The following TRIM24 variants were observed in gnomAD, a reference collection of about 807,000 sequenced individuals.
TRIM24 encodes tripartite motif containing 24.
Under a neutral mutation model 123.9 loss-of-function variants are expected in TRIM24, and 29 were observed. That is an observed-to-expected ratio of 0.23 (90% CI 0.17 to 0.32). The LOEUF is 0.32. Ranked by LOEUF, TRIM24 falls within the 10% of genes least tolerant of loss-of-function variation. The probability of loss-of-function intolerance (pLI) is 1.00; values close to 1 mark genes in which losing one functional copy is unlikely to be tolerated. For missense variants in TRIM24, 932 were observed against 1,295.3 expected (o/e 0.72, Z 4.31); for synonymous variants, 456 against 461.1 (o/e 0.99, Z 0.14).
intron 12 of TRIM24, among the ~76,000 whole-genome samples, chr7:138,575,459 ATT>A (rs34375724): frequency 2.4e-4 from 30 of 127,186 alleles, no homozygotes; most frequent in Admixed American, 4.7e-4. Flanking sequence ...GGCCTGGCTA[ATT>A]TTTTTTTTTT....
In TRIM24 at chr7:138,577,403, C is replaced by G. The variant is rs1797782808; in HGVS notation, c.2088-17C>G. ...TAACATTCTTAGATTGCTTTTTCTT[C>G]TCTCTCATACTTACAGCTCTGGCTC... On this transcript the variant is annotated splice_polypyrimidine_tract_variant and intron_variant, in intron 13 of 18. Transcript: ENST00000343526. 2 of 1,491,560 alleles carry G rather than the reference C, an allele frequency of 1.3e-6. No individual in the cohort carries two copies. Among genetic ancestry groups the G allele is most frequent in the Non-Finnish European group, 1.8e-6 (2 of 1,121,842 alleles). The allele number at this position is 1,491,560 out of a possible 1,614,324, so 92.4% of individuals were successfully genotyped here.
intron 14 of TRIM24, among the ~76,000 whole-genome samples, chr7:138,577,863 G>A (rs1409620681): frequency 6.6e-6 from 1 of 152,116 alleles, no homozygotes. Flanking sequence ...CAATCAGATT[G>A]ACTTGAAGAT....
At chr7:138,491,554 G>T (rs188446488) in intron 1 of TRIM24, among the ~76,000 whole-genome samples, 9 of 150,312 alleles carry the variant, frequency 6.0e-5, no homozygotes, top group East Asian at 1.9e-4. Flanking sequence ...CATTGTAAGG[G>T]TATAGCACAT....
At chr7:138,548,686 A>AT (rs1333686129) in intron 7 of TRIM24, among the ~76,000 whole-genome samples, 1 of 152,194 alleles carries the variant, frequency 6.6e-6, no homozygotes, top group Non-Finnish European at 1.5e-5. Flanking sequence ...AAACTTTTTA[A>AT]TTTTTTAAAT....
chr7:138,495,848 T>C (rs1415534557), intron 1 of TRIM24, among the ~76,000 whole-genome samples: 1 of 152,204 alleles, frequency 6.6e-6, no homozygotes, highest in African/African-American at 2.4e-5. Flanking sequence ...ACGAAATTCT[T>C]GCCCATTTTA....
intron 1 of TRIM24, among the ~76,000 whole-genome samples, chr7:138,502,830 A>G (rs537779777): frequency 3.4e-4 from 52 of 152,248 alleles, no homozygotes; most frequent in Admixed American, 1.0e-3. Flanking sequence ...GTTCATGGTA[A>G]TATTTTCACT....
intron 1 of TRIM24, chr7:138,461,229 G>A (rs760414242): frequency 9.6e-6 from 6 of 626,440 alleles, no homozygotes; most frequent in South Asian, 4.1e-5. Flanking sequence ...TCCTGCAGCC[G>A]GAATCTCGGG....
chr7:138,473,670 C>T (rs1321682705), intron 1 of TRIM24, among the ~76,000 whole-genome samples: 1 of 152,214 alleles, frequency 6.6e-6, no homozygotes, highest in Non-Finnish European at 1.5e-5. Context: ...TCACTGTATG[C>T]TTACTAGTTG....
At chr7:138,461,406 T>G (rs1449030056) in intron 1 of TRIM24, 1 of 392,208 alleles carries the variant, frequency 2.5e-6, no homozygotes. Context: ...TGATGATTGA[T>G]TGCAGATCGG....
Position 138,553,325 on chromosome 7 carries a change from G to A in TRIM24, c.1262-1373G>A, listed in dbSNP as rs191758448. ...TAGATGAATATTTTGTTACTGTCTT[G>A]AGTGACTTTAGATAAGTTTTACAAC... On this transcript the variant is annotated intron_variant, in intron 8 of 18. Coordinates refer to ENST00000343526, the MANE Select transcript of TRIM24 (RefSeq NM_015905.3). 3.9e-4 allele frequency among the ~76,000 whole-genome samples: 59 copies of A among 152,238 alleles called. No individual in the cohort carries two copies. The East Asian group carries it at 0.01, about 26-fold the overall frequency.
chr7:138,483,301 G>T (rs1325011343), intron 1 of TRIM24, among the ~76,000 whole-genome samples: 1 of 152,156 alleles, frequency 6.6e-6, no homozygotes, highest in Non-Finnish European at 1.5e-5. Context: ...TAAGTTCTCT[G>T]TAGCTTTGTT....
Position 138,577,593 on chromosome 7 carries a change from T to C in TRIM24, c.2256+5T>C. ...GAAGAATCTAGGCCTCAAAATGTAA[T>C]TATGAATGCTTGCAATGCTATTCCT... On this transcript the variant is annotated splice_donor_5th_base_variant and intron_variant, in intron 14 of 18. Coordinates refer to ENST00000343526, the MANE Select transcript of TRIM24 (RefSeq NM_015905.3). 1 of 1,596,796 alleles carries C rather than the reference T, an allele frequency of 6.3e-7. No homozygotes were observed. Among genetic ancestry groups the C allele is most frequent in the Non-Finnish European group, 8.5e-7 (1 of 1,172,426 alleles).
chr7:138,587,326 C>G lies in TRIM24; in HGVS notation c.*2375C>G, dbSNP rs1212429002. On this transcript the variant is annotated 3_prime_UTR_variant, in exon 19 of 19. Transcript: ENST00000343526. Reference sequence around the variant, plus strand: ...CAAGATCTCACCATTGCACTCCAGCCTGAGTGACAGAGACTCAGTCTCAAA... The same window carrying G: ...CAAGATCTCACCATTGCACTCCAGCGTGAGTGACAGAGACTCAGTCTCAAA... 2 of 152,214 alleles carry G rather than the reference C, an allele frequency of 1.3e-5. No individual in the cohort carries two copies. Among genetic ancestry groups the G allele is most frequent in the African/African-American group, 4.8e-5 (2 of 41,430 alleles). The allele number at this position is 152,214 out of a possible 1,614,324, so 9.4% of individuals were successfully genotyped here. A position where few individuals can be genotyped will look rare whatever the true frequency, so the allele number is the denominator to read the frequency against.
At chr7:138,475,623 G>A (rs1260039446) in intron 1 of TRIM24, among the ~76,000 whole-genome samples, 1 of 152,102 alleles carries the variant, frequency 6.6e-6, no homozygotes, top group Non-Finnish European at 1.5e-5. Flanking sequence ...CAATTCTCCT[G>A]CCTCAGCCTC....
chr7:138,511,359 T>C (rs1196370478), intron 2 of TRIM24, among the ~76,000 whole-genome samples: 1 of 151,360 alleles, frequency 6.6e-6, no homozygotes, highest in African/African-American at 2.4e-5. Context: ...AGGAGTGCAA[T>C]GGCCAGTCTT....
intron 1 of TRIM24, among the ~76,000 whole-genome samples, chr7:138,461,667 G>C (rs1183223611): frequency 6.6e-6 from 1 of 152,158 alleles, no homozygotes; most frequent in African/African-American, 2.4e-5. Context: ...TTAGACTTTT[G>C]ACAGGTGTTC....
At chr7:138,530,775 G>GT (rs893424091) in intron 6 of TRIM24, among the ~76,000 whole-genome samples, 19 of 151,576 alleles carry the variant, frequency 1.3e-4, no homozygotes, top group African/African-American at 2.9e-4. Flanking sequence ...CCCCCCCTTT[G>GT]TTTTTTTTGG....
rs373703950 is a variant in TRIM24, at chr7:138,531,903, G to C, written c.996+2673G>C. Among the ~76,000 whole-genome samples, 1,232 of 152,072 alleles carry C rather than the reference G, an allele frequency of 8.1e-3. 18 individuals carry two copies. The highest frequency in any genetic ancestry group is 0.047 in the South Asian group (224 of 4,812). ...TGTTGTTTCCTGACTTTTTAATGATGGCCATTCTAACTGGTGTGAGCTGGT... is the reference window on the plus strand; with the variant it reads ...TGTTGTTTCCTGACTTTTTAATGATCGCCATTCTAACTGGTGTGAGCTGGT... On this transcript the variant is annotated intron_variant, in intron 6 of 18. Transcript: ENST00000343526.
chr7:138,475,419 A>C (rs1034699465), intron 1 of TRIM24, among the ~76,000 whole-genome samples: 4 of 152,208 alleles, frequency 2.6e-5, no homozygotes, highest in Non-Finnish European at 5.9e-5. Context: ...ACTGTGACAG[A>C]ATTGAGACCA....
Sources: gnomAD v4.1 joint callset for allele counts (sites outside exome capture counted in the v4.1 genomes callset) on GRCh38, gnomAD v4.1.1 for gene constraint, MANE v1.5 for transcripts, NCBI Gene and HGNC (gene_info 2026-07-23, HGNC 2026-07-21) for gene names.